TTL: variants seen among roughly 807,000 people sequenced by gnomAD.
TTL encodes the protein tubulin--tyrosine ligase.
A neutral mutation model predicts 41.1 loss-of-function variants in TTL; 10 were observed. That is an observed-to-expected ratio of 0.24 (90% CI 0.15 to 0.41). The LOEUF is 0.41. Ranked by LOEUF, TTL falls within the 10% of genes least tolerant of loss-of-function variation. The probability of loss-of-function intolerance (pLI) is 1.00; values close to 1 mark genes in which losing one functional copy is unlikely to be tolerated. For synonymous variants in TTL, 175 were observed against 175.5 expected (o/e 1.00, Z 0.02); for missense variants, 367 against 460.4 (o/e 0.80, Z 1.86).
At position 112,482,836 on chromosome 2, in the gene TTL, A is replaced by G. The variant is rs1449236544; in HGVS notation, c.157+335A>G. ...GCGGCTCCCCCGGGCCGAAGCCCCC[A>G]GATTTGGCGGGTCCGCCGCGCTGGG... On this transcript the variant is annotated intron_variant, in intron 1 of 6. Transcript: ENST00000233336. This position sits in a 1 kb window ranked among gnomAD's most constrained non-coding sequence, Gnocchi z 5.3. Among the ~76,000 whole-genome samples, 4 of 152,072 alleles carry G rather than the reference A, an allele frequency of 2.6e-5. No homozygotes were observed. The highest frequency in any genetic ancestry group is 5.9e-5 in the Non-Finnish European group (4 of 67,990).
At chr2:112,511,131 T>C (rs1315373017) in intron 5 of TTL, among the ~76,000 whole-genome samples, 2 of 151,948 alleles carry the variant, frequency 1.3e-5, no homozygotes, top group East Asian at 3.9e-4. Context: ...GTAAGTAGCC[T>C]AGGTAGCTGG....
chr2:112,486,290 A>C (rs146530475), intron 2 of TTL, among the ~76,000 whole-genome samples: 8 of 152,268 alleles, frequency 5.3e-5, no homozygotes, highest in African/African-American at 1.7e-4. Flanking sequence ...AGGGCAGGGC[A>C]GGGGGAGAAC....
At chr2:112,487,875 A>G (rs772717620) in intron 2 of TTL, among the ~76,000 whole-genome samples, 8 of 152,182 alleles carry the variant, frequency 5.3e-5, no homozygotes, top group Non-Finnish European at 8.8e-5. Flanking sequence ...ATGATTTTGT[A>G]TGGCTTGAAA....
chr2:112,523,035 C>G (rs977628551), intron 6 of TTL, among the ~76,000 whole-genome samples: 2 of 152,146 alleles, frequency 1.3e-5, no homozygotes, highest in African/African-American at 4.8e-5. Flanking sequence ...CCAGACTCCT[C>G]CCTCCACCTC....
At chr2:112,519,710 G>A (rs555238609) in intron 5 of TTL, among the ~76,000 whole-genome samples, 2 of 152,046 alleles carry the variant, frequency 1.3e-5, no homozygotes, top group African/African-American at 2.4e-5. Flanking sequence ...ACAATGACTC[G>A]GCACTCTACT....
Position 112,509,550 on chromosome 2 carries a change from A to G in TTL, c.875+6369A>G, listed in dbSNP as rs184474998. Among the ~76,000 whole-genome samples, 839 of 152,248 alleles carry G rather than the reference A, an allele frequency of 5.5e-3. 9 individuals are homozygous for G. The highest frequency in any genetic ancestry group is 0.019 in the South Asian group (91 of 4,828). ...TTTCTTAAGCCGGTCTGAAAAGCGC[A>G]ATATTCGGGTGGGAGTGACCCGATT... On this transcript the variant is annotated intron_variant, in intron 5 of 6. Transcript: ENST00000233336.
At chr2:112,525,321 T>A (rs1037877338) in intron 6 of TTL, among the ~76,000 whole-genome samples, 1 of 152,230 alleles carries the variant, frequency 6.6e-6, no homozygotes, top group African/African-American at 2.4e-5. Context: ...TTTCCAATTC[T>A]GTGAAGAAAG....
At chr2:112,488,324 G>C (rs762801030) in intron 2 of TTL, among the ~76,000 whole-genome samples, 62 of 152,244 alleles carry the variant, frequency 4.1e-4, no homozygotes, top group Non-Finnish European at 5.3e-4. Context: ...TTCCTGCAGA[G>C]CCTGGTCTTG....
At chr2:112,483,026 GA>G (rs1378878930) in intron 1 of TTL, 1 of 152,580 alleles carries the variant, frequency 6.6e-6, no homozygotes, top group East Asian at 1.9e-4. Context: ...ATTTGGAAAA[GA>G]CCCCCGGATT....
chr2:112,513,976 TATAG>T (rs1485261502), intron 5 of TTL, among the ~76,000 whole-genome samples: 2 of 152,154 alleles, frequency 1.3e-5, no homozygotes, highest in African/African-American at 4.8e-5. Flanking sequence ...TTCCTATGAT[TATAG>T]ATAGTTAATA....
At chr2:112,524,370 A>C (rs1445203478) in intron 6 of TTL, among the ~76,000 whole-genome samples, 1 of 152,208 alleles carries the variant, frequency 6.6e-6, no homozygotes, top group Non-Finnish European at 1.5e-5. Context: ...GAATCGCCAC[A>C]CTGTCTTCTG....
In TTL at chr2:112,533,487, A is replaced by G. The variant is rs1033606426; in HGVS notation, c.*4692A>G. ...AAAGCATCCCTCCATATCTTAGTCT[A>G]TTTTGTATTGCCATAACAGAATGTT... On this transcript the variant is annotated 3_prime_UTR_variant, in exon 7 of 7. Coordinates refer to ENST00000233336, the MANE Select transcript of TTL (RefSeq NM_153712.5). The G allele has an allele frequency of 6.6e-6, 1 of 152,232 alleles. No homozygotes were observed. Among genetic ancestry groups the G allele is most frequent in the African/African-American group, 2.4e-5 (1 of 41,458 alleles). The allele number at this position is 152,232 out of a possible 1,614,324, so 9.4% of individuals were successfully genotyped here.
At position 112,530,550 on chromosome 2, in the gene TTL, G is replaced by A. The variant is rs375012306; in HGVS notation, c.*1755G>A. 1.3e-5 allele frequency: 3 copies of A among 229,138 alleles called. No individual in the cohort carries two copies. Among genetic ancestry groups the A allele is most frequent in the African/African-American group, 6.6e-5 (3 of 45,120 alleles). The allele number at this position is 229,138 out of a possible 1,614,324, so 14.2% of individuals were successfully genotyped here. ...GGAGTGAGATCTGATCGGATCCTGG[G>A]AAGATGTATACCCAGTTAGAACGTG... is the stretch of plus-strand genomic sequence containing the variant. On this transcript the variant is annotated 3_prime_UTR_variant, in exon 7 of 7. Coordinates refer to ENST00000233336, the MANE Select transcript of TTL (RefSeq NM_153712.5).
At position 112,518,663 on chromosome 2, in the gene TTL, T is replaced by C. The variant is rs981894718; in HGVS notation, c.876-1619T>C. ...ACATGGACGACAGTTCCCTGTATCT[T>C]TTTCTTTTTCTTTTCTTTTTTTTTT... On this transcript the variant is annotated intron_variant, in intron 5 of 6. Transcript: ENST00000233336. Among the ~76,000 whole-genome samples, 22 of 139,896 alleles carry C rather than the reference T, an allele frequency of 1.6e-4. 1 individual carries two copies. The highest frequency in any genetic ancestry group is 6.0e-4 in the African/African-American group (22 of 36,818). The allele number at this position is 139,896 out of a possible 152,430, so 91.8% of individuals were successfully genotyped here. A position where few individuals can be genotyped will look rare whatever the true frequency, so the allele number is the denominator to read the frequency against.
At chr2:112,517,498 C>T (rs1053986086) in intron 5 of TTL, among the ~76,000 whole-genome samples, 15 of 151,974 alleles carry the variant, frequency 9.9e-5, no homozygotes, top group Non-Finnish European at 1.6e-4. Flanking sequence ...ATCTGCCTCC[C>T]TCAGCCTCCC....
intron 6 of TTL, among the ~76,000 whole-genome samples, chr2:112,521,995 T>A (rs1682247173): frequency 1.3e-5 from 2 of 152,142 alleles, no homozygotes; most frequent in African/African-American, 4.8e-5. Context: ...CACTGTCCTT[T>A]CCTATCAGGG....
At chr2:112,495,927 C>T (rs1047516206) in intron 3 of TTL, among the ~76,000 whole-genome samples, 20 of 152,268 alleles carry the variant, frequency 1.3e-4, no homozygotes, top group East Asian at 5.8e-4. Context: ...ATTTCTGTTC[C>T]GGGTCGAAGG....
chr2:112,524,719 A>G (rs1253234664), intron 6 of TTL, among the ~76,000 whole-genome samples: 1 of 152,122 alleles, frequency 6.6e-6, no homozygotes, highest in Non-Finnish European at 1.5e-5. Context: ...TAGATTGTAA[A>G]AATTTTCTCC....
In TTL at chr2:112,532,034, G is replaced by A. The variant is rs754814243; in HGVS notation, c.*3239G>A. 9 of 228,490 alleles carry A rather than the reference G, an allele frequency of 3.9e-5. No homozygotes were observed. The highest frequency in any genetic ancestry group is 6.9e-5 in the Non-Finnish European group (8 of 115,238). 14.2% of individuals were successfully genotyped at this position (228,490 alleles called of 1,614,324 possible). ...TGTATGATATAGTGGAGCAGGTGCTGACATAGGTACCAGCTGACATGATGT... is the reference window on the plus strand; with the variant it reads ...TGTATGATATAGTGGAGCAGGTGCTAACATAGGTACCAGCTGACATGATGT... On this transcript the variant is annotated 3_prime_UTR_variant, in exon 7 of 7. Transcript: ENST00000233336.
Sources: allele counts gnomAD v4.1 joint callset (sites outside exome capture counted in the v4.1 genomes callset), GRCh38; gene constraint gnomAD v4.1.1; non-coding constraint Gnocchi (gnomAD v3.1); transcripts MANE v1.5; gene names NCBI Gene and HGNC (gene_info 2026-07-23, HGNC 2026-07-21).